Variants in GARIN6 observed in about 807,000 individuals in gnomAD.
GARIN6 encodes Golgi-associated RAB2 interactor protein 6.
At chr12:99,649,319 A>T in the GARIN6 span, 2 of 1,614,164 alleles carry the variant, frequency 1.2e-6, no homozygotes, top group Non-Finnish European at 8.5e-7. Context: ...GAAGAGAAGG[A>T]GCAATTCAGA....
the GARIN6 span, chr12:99,648,801 C>T: frequency 6.2e-7 from 1 of 1,601,932 alleles, no homozygotes; most frequent in Non-Finnish European, 8.5e-7. Flanking sequence ...TGAGTCTATG[C>T]AGAGACTAGA....
At chr12:99,648,547 T>G in the GARIN6 span, 1 of 1,614,120 alleles carries the variant, frequency 6.2e-7, no homozygotes, top group South Asian at 1.1e-5. Flanking sequence ...TCCCTTGATG[T>G]TTGTGAAAAT....
chr12:99,649,315 A>AAGGAGCAATTC, the GARIN6 span: 1 of 1,614,122 alleles, frequency 6.2e-7, no homozygotes, highest in Non-Finnish European at 8.5e-7. Flanking sequence ...TTGTGAAGAG[A>AAGGAGCAATTC]AGGAGCAATT....
chr12:99,648,783 C>T, the GARIN6 span: 1 of 1,609,460 alleles, frequency 6.2e-7, no homozygotes, highest in Non-Finnish European at 8.5e-7. Context: ...TGCAGAGGAG[C>T]CCAGTGGTGA....
At chr12:99,648,681 T>C in the GARIN6 span, 2 of 1,614,156 alleles carry the variant, frequency 1.2e-6, no homozygotes, top group Non-Finnish European at 1.7e-6. Flanking sequence ...GGGAAAACCT[T>C]GTTTACATCC....
At chr12:99,648,318 C>T in the GARIN6 span, 43 of 1,614,120 alleles carry the variant, frequency 2.7e-5, no homozygotes, top group South Asian at 3.2e-4. Context: ...TGTTTGAGAG[C>T]GACTTTATCC....
At chr12:99,648,353 T>C in the GARIN6 span, 130 of 1,614,022 alleles carry the variant, frequency 8.1e-5, no homozygotes, top group Non-Finnish European at 9.7e-5. Context: ...GGAGAAGTGA[T>C]TGACGTGCAC....
the GARIN6 span, chr12:99,648,824 G>T: frequency 1.3e-6 from 2 of 1,578,468 alleles, no homozygotes; most frequent in East Asian, 2.3e-5. Context: ...GGGCCTGGAT[G>T]CTTTGGGGGA....
chr12:99,649,237 A>T, the GARIN6 span: 1 of 1,359,112 alleles, frequency 7.4e-7, no homozygotes, highest in Non-Finnish European at 1.1e-6. Context: ...ATAGGAAGAG[A>T]AAGGAGATCT....
At chr12:99,649,303 T>C in the GARIN6 span, 1 of 1,613,918 alleles carries the variant, frequency 6.2e-7, no homozygotes, top group Non-Finnish European at 8.5e-7. Context: ...TGCCATGAAG[T>C]TTTGTGAAGA....
the GARIN6 span, chr12:99,648,655 G>T: frequency 1.2e-6 from 2 of 1,614,086 alleles, no homozygotes; most frequent in Non-Finnish European, 1.7e-6. Flanking sequence ...TGCAAGTGAA[G>T]ACCTTTTTGT....
chr12:99,648,102 C>G, the GARIN6 span: 2 of 1,538,196 alleles, frequency 1.3e-6, no homozygotes, highest in Non-Finnish European at 1.8e-6. Context: ...GCCAAGGAAA[C>G]AGGATGCCCG....
the GARIN6 span, chr12:99,648,256 C>G: frequency 1.9e-6 from 3 of 1,614,214 alleles, no homozygotes; most frequent in Middle Eastern, 1.6e-4. Context: ...CATGGGGAAG[C>G]TGCAGCGGCA....
At chr12:99,648,514 ATC>A in the GARIN6 span, 1,287 of 1,614,100 alleles carry the variant, frequency 8.0e-4, 4 homozygotes, top group Middle Eastern at 5.4e-3. Flanking sequence ...GCCTGCAGAG[ATC>A]TTAGAACTAA....
the GARIN6 span, chr12:99,648,229 G>T: frequency 6.2e-7 from 1 of 1,614,126 alleles, no homozygotes; most frequent in South Asian, 1.1e-5. Flanking sequence ...CCCCGCAATG[G>T]GCATGTTTAA....
the GARIN6 span, chr12:99,648,829 G>C: frequency 2.6e-5 from 41 of 1,572,530 alleles, no homozygotes; most frequent in Admixed American, 3.7e-5. Flanking sequence ...TGGATGCTTT[G>C]GGGGAGAGCA....
the GARIN6 span, chr12:99,649,620 C>A: frequency 4.0e-6 from 2 of 495,692 alleles, no homozygotes; most frequent in Admixed American, 7.1e-5. Context: ...GGAAGTATAG[C>A]CAGCATGGCT....
the GARIN6 span, chr12:99,650,070 T>C: frequency 1.3e-5 from 2 of 152,502 alleles, no homozygotes; most frequent in Non-Finnish European, 2.9e-5. Flanking sequence ...TAATAACATA[T>C]GCTCTATTGA....
the GARIN6 span, chr12:99,647,982 C>A: frequency 1.4e-6 from 1 of 704,598 alleles, no homozygotes; most frequent in Non-Finnish European, 2.3e-6. Context: ...GACTGACTGT[C>A]TCTGGCATTG....
Sources: gnomAD v4.1 joint callset for allele counts on GRCh38, gnomAD v4.1.1 for gene constraint, MANE v1.5 for transcripts, NCBI Gene and HGNC (gene_info 2026-07-23, HGNC 2026-07-21) for gene names.